The following ULK2 variants were observed in gnomAD, a reference collection of about 807,000 sequenced individuals.
The protein encoded by ULK2 is serine/threonine-protein kinase ULK2.
Under a neutral mutation model 127.5 loss-of-function variants are expected in ULK2, and 76 were observed. That is an observed-to-expected ratio of 0.60 (90% CI 0.50 to 0.72). The LOEUF is 0.72. Ranked by LOEUF, ULK2 falls within the 30% of genes least tolerant of loss-of-function variation. ULK2 has a pLI of 0.00. For missense variants in ULK2, 1,144 were observed against 1,295.9 expected (o/e 0.88, Z 1.80); for synonymous variants, 452 against 461.9 (o/e 0.98, Z 0.28).
rs1013375790 is a variant in ULK2 at position 19,773,546 on chromosome 17, A to C, written c.*2803T>G. The C allele has an allele frequency of 6.6e-6, 1 of 152,228 alleles. No homozygotes were observed. The highest frequency in any genetic ancestry group is 1.9e-4 in the East Asian group (1 of 5,192). The allele number at this position is 152,228 out of a possible 1,614,324, so 9.4% of individuals were successfully genotyped here. ...GTTGTTTCTCTCAACTAAAGTTATC[A>C]AAATTGGGTGTTGTAATTTTTAACT... On this transcript the variant is annotated 3_prime_UTR_variant, in exon 27 of 27. Transcript: ENST00000395544.
At chr17:19,777,559 A>G (rs1338553060) in intron 26 of ULK2, 22 bp downstream of exon 26, 1 of 1,586,130 alleles carries the variant, frequency 6.3e-7, no homozygotes, top group Admixed American at 1.9e-5. Flanking sequence ...AAAAAAATAC[A>G]CTACTTTGTA....
At chr17:19,809,691 C>T (rs916919319) in intron 14 of ULK2, among the ~76,000 whole-genome samples, 2 of 129,548 alleles carry the variant, frequency 1.5e-5, no homozygotes, top group East Asian at 2.3e-4. Context: ...CGACATCACG[C>T]CATTGCACTC....
intron 12 of ULK2, among the ~76,000 whole-genome samples, chr17:19,824,271 C>T (rs1334769554): frequency 6.6e-6 from 1 of 151,776 alleles, no homozygotes. Context: ...ATAGTGAAAC[C>T]CCGTCTCTAC....
chr17:19,849,860 T>C (rs2041974502), intron 3 of ULK2, 86 bp from the exon 4 acceptor site: 1 of 804,870 alleles, frequency 1.2e-6, no homozygotes, highest in East Asian at 2.8e-5. Flanking sequence ...ACCATACTTG[T>C]TCATTATTAA....
rs548278679 is a variant in ULK2 at position 19,847,899 on chromosome 17, T to C, written c.296-989A>G. On this transcript the variant is annotated intron_variant, in intron 5 of 26. Coordinates refer to ENST00000395544, the MANE Select transcript of ULK2 (RefSeq NM_014683.4). ...GCCAGAGCATGTTGTGGTTAACAGC[T>C]TGACTTGAAGTCTAGCTGCCTTTGT... 3.9e-5 allele frequency among the ~76,000 whole-genome samples: 6 copies of C among 152,298 alleles called. No homozygotes were observed. In the East Asian group the frequency reaches 5.8e-4, roughly 15 times the overall value.
rs1739730445 is a variant in ULK2 at position 19,775,836 on chromosome 17, T to C, written c.*513A>G. The C allele has an allele frequency of 6.5e-6, 1 of 152,832 alleles. No individual in the cohort carries two copies. The highest frequency in any genetic ancestry group is 2.1e-4 in the South Asian group (1 of 4,828). 9.5% of individuals were successfully genotyped at this position (152,832 alleles called of 1,614,324 possible). A position where few individuals can be genotyped will look rare whatever the true frequency, so the allele number is the denominator to read the frequency against. The stretch of plus-strand genomic sequence containing the variant: ...ATTTCAAAATTTCTTCCAAGATCCA[T>C]GTTTCACTTCTTCTTAAGCTATTTC... On this transcript the variant is annotated 3_prime_UTR_variant, in exon 27 of 27. Transcript: ENST00000395544.
intron 14 of ULK2, among the ~76,000 whole-genome samples, chr17:19,808,361 A>G (rs1243721903): frequency 6.6e-6 from 1 of 152,224 alleles, no homozygotes; most frequent in Non-Finnish European, 1.5e-5. Context: ...TTAATATGAC[A>G]TAAGAGTAGG....
chr17:19,840,470 T>C (rs186541641), intron 9 of ULK2: 66 of 464,344 alleles, frequency 1.4e-4, no homozygotes, highest in African/African-American at 1.0e-3. Context: ...AAGAAAAACT[T>C]ATCCGGGAAG....
Position 19,804,810 on chromosome 17 carries a change from G to C in ULK2, c.1178C>G (p.Ser393Ter). 1 of 1,612,926 alleles carries C rather than the reference G, an allele frequency of 6.2e-7. No individual in the cohort carries two copies. The highest frequency in any genetic ancestry group is 8.5e-7 in the Non-Finnish European group (1 of 1,179,380). ...VCGGQCQPTV[S>*]PHSETAPIPV... ...AATTGGTGCTGTTTCGCTGTGAGGT[G>C]ACACAGTAGGCTGACACTGCCTGCA... Residue 393 changes from serine (S) to a stop codon, truncating the protein, a stop_gained, in exon 15 of 27, where the codon TCA becomes TGA. Coordinates refer to ENST00000395544, the MANE Select transcript of ULK2 (RefSeq NM_014683.4). LOFTEE classifies it high-confidence loss of function.
intron 14 of ULK2, among the ~76,000 whole-genome samples, chr17:19,807,665 A>G (rs1188048093): frequency 6.6e-6 from 1 of 152,194 alleles, no homozygotes; most frequent in African/African-American, 2.4e-5. Context: ...AGAAGAAAAA[A>G]AGGCAGCACA....
In ULK2 at chr17:19,796,329, T is replaced by C. The variant is rs201172170; in HGVS notation, c.1810-47A>G. ...TATATATGTAAACTAGTTAATACGA[T>C]GCATGAACTATTCAGTACTGGCAGG... On this transcript the variant is annotated intron_variant, in intron 18 of 26. Transcript: ENST00000395544. The C allele has an allele frequency of 6.0e-6, 9 of 1,500,472 alleles. No homozygotes were observed. In the South Asian group the frequency reaches 6.8e-5, roughly 11 times the overall value. The allele number at this position is 1,500,472 out of a possible 1,614,324, so 92.9% of individuals were successfully genotyped here.
At chr17:19,804,944 C>T in intron 14 of ULK2, 114 bp from the exon 15 acceptor site, 1 of 1,157,496 alleles carries the variant, frequency 8.6e-7, no homozygotes, top group Non-Finnish European at 1.2e-6. Context: ...ATGGTCACTC[C>T]ACTACCTTAA....
intron 14 of ULK2, among the ~76,000 whole-genome samples, chr17:19,807,778 G>T (rs905577545): frequency 9.9e-5 from 15 of 152,094 alleles, no homozygotes; most frequent in African/African-American, 3.4e-4. Context: ...GCTTATCCCC[G>T]TGGTTCCCAA....
intron 7 of ULK2, among the ~76,000 whole-genome samples, chr17:19,844,348 A>G (rs1200258833): frequency 6.6e-6 from 1 of 152,146 alleles, no homozygotes; most frequent in African/African-American, 2.4e-5. Context: ...CAGGCTGGCC[A>G]TGAACGCCTG....
chr17:19,866,816 G>A (rs2042360404), intron 1 of ULK2, among the ~76,000 whole-genome samples: 1 of 152,204 alleles, frequency 6.6e-6, no homozygotes, highest in Non-Finnish European at 1.5e-5. Context: ...CTCCGGGGGG[G>A]AAAACGGTAC....
intron 3 of ULK2, chr17:19,860,952 C>T (rs978962714): frequency 2.0e-5 from 3 of 152,046 alleles, no homozygotes; most frequent in African/African-American, 7.2e-5. Flanking sequence ...TTAATCCCAG[C>T]TATTCAGGAG....
At chr17:19,828,310 A>G (rs1597779276) in intron 10 of ULK2, among the ~76,000 whole-genome samples, 2 of 152,356 alleles carry the variant, frequency 1.3e-5, no homozygotes, top group East Asian at 3.9e-4. Flanking sequence ...AAAAAGCCAC[A>G]TGAAGACATG....
At chr17:19,799,429 A>C in intron 17 of ULK2, 66 bp downstream of exon 17, 2 of 1,327,406 alleles carry the variant, frequency 1.5e-6, no homozygotes, top group Non-Finnish European at 2.0e-6. Flanking sequence ...TAAAACTAGA[A>C]AAACACAACT....
At position 19,771,862 on chromosome 17, in the gene ULK2, C is replaced by T. The variant is rs915246576; in HGVS notation, c.*4487G>A. ...AAACAAGAGCTCATGTGGGCACTTC[C>T]TAATGACAGAAGCTAACTGTCCAAG... On this transcript the variant is annotated 3_prime_UTR_variant, in exon 27 of 27. Transcript: ENST00000395544. 6.6e-6 allele frequency: 1 copy of T among 152,244 alleles called. No individual in the cohort carries two copies. The highest frequency in any genetic ancestry group is 1.5e-5 in the Non-Finnish European group (1 of 68,052). The allele number at this position is 152,244 out of a possible 1,614,324, so 9.4% of individuals were successfully genotyped here.
Sources: allele counts gnomAD v4.1 joint callset (sites outside exome capture counted in the v4.1 genomes callset), GRCh38; gene constraint gnomAD v4.1.1; transcripts MANE v1.5; gene names NCBI Gene and HGNC (gene_info 2026-07-23, HGNC 2026-07-21).